Variants in SERBP1 observed in about 807,000 individuals in gnomAD.
SERBP1 encodes the protein SERPINE1 mRNA-binding protein 1.
SERBP1 carries 6 observed loss-of-function variants against 50.2 expected under a neutral mutation model. That is an observed-to-expected ratio of 0.12 (90% CI 0.07 to 0.24). The LOEUF (loss-of-function observed/expected upper bound fraction) is 0.24. Among genes scored for constraint, SERBP1 ranks in the 10% least tolerant of loss-of-function variants. The pLI, the probability that SERBP1 is intolerant of heterozygous loss-of-function variation, is 1.00. For missense variants in SERBP1, 346 were observed against 524.9 expected (o/e 0.66, Z 3.33); for synonymous variants, 168 against 182.8 (o/e 0.92, Z 0.65).
chr1:67,424,308 T>C, intron 4 of SERBP1, 31 bp from the exon 5 acceptor site: 1 of 1,607,710 alleles, frequency 6.2e-7, no homozygotes, highest in Non-Finnish European at 8.5e-7. Flanking sequence ...TTTCTGAATG[T>C]ATTTGGGGGA....
intron 1 of SERBP1, 37 bp from the exon 2 acceptor site, chr1:67,426,322 T>C (rs761980489): frequency 4.6e-6 from 7 of 1,538,028 alleles, no homozygotes; most frequent in Non-Finnish European, 6.1e-6. Flanking sequence ...GCAAATTATT[T>C]TTGCAATCCA....
chr1:67,417,218 T>C (rs1486779246), intron 6 of SERBP1: 1 of 152,140 alleles, frequency 6.6e-6, no homozygotes, highest in Non-Finnish European at 1.5e-5. Context: ...GAGGGAGTGC[T>C]CACTTTGGCA....
intron 5 of SERBP1, 139 bp downstream of exon 5, chr1:67,424,061 G>A: frequency 1.3e-6 from 1 of 770,132 alleles, no homozygotes; most frequent in Non-Finnish European, 2.0e-6. Context: ...TACTCTTTGA[G>A]GGATGAGGGT....
intron 6 of SERBP1, among the ~76,000 whole-genome samples, chr1:67,419,175 AAT>A (rs1667125955): frequency 6.6e-6 from 1 of 152,236 alleles, no homozygotes; most frequent in Non-Finnish European, 1.5e-5. Context: ...TCCTATCCAA[AAT>A]AAAGACCTTT....
chr1:67,423,449 A>C (rs1667268918), intron 5 of SERBP1, among the ~76,000 whole-genome samples: 1 of 151,936 alleles, frequency 6.6e-6, no homozygotes, highest in Non-Finnish European at 1.5e-5. Flanking sequence ...TCTACTAAAA[A>C]TACAAAAATT....
intron 1 of SERBP1, chr1:67,429,671 A>C: frequency 3.6e-5 from 9 of 247,584 alleles, no homozygotes; most frequent in East Asian, 9.3e-5. Context: ...CCGCCAAGGA[A>C]TCCGGCGGGA....
intron 7 of SERBP1, 108 bp downstream of exon 7, chr1:67,415,058 C>G (rs1666957533): frequency 8.0e-7 from 1 of 1,243,914 alleles, no homozygotes; most frequent in African/African-American, 1.5e-5. Context: ...CTTAAAGACA[C>G]TGCTACTACT....
chr1:67,416,821 T>C (rs546087619), intron 6 of SERBP1, among the ~76,000 whole-genome samples: 1 of 152,206 alleles, frequency 6.6e-6, no homozygotes, highest in Admixed American at 6.5e-5. Flanking sequence ...TAAAAACAAA[T>C]TCACAAAACA....
rs1029725933 is a variant in SERBP1 at position 67,412,225 on chromosome 1, T to C, written c.*982A>G. On this transcript the variant is annotated 3_prime_UTR_variant, in exon 8 of 8. Coordinates refer to ENST00000361219, the MANE Select transcript of SERBP1 (RefSeq NM_001018069.2). ...GCTGATTATGGATGTACCATTTTGA[T>C]TTTGGGACCTTTCACACACAGAAAT... The C allele has an allele frequency of 6.6e-6, 1 of 152,648 alleles. No homozygotes were observed. The highest frequency in any genetic ancestry group is 1.5e-5 in the Non-Finnish European group (1 of 68,038). 9.5% of individuals were successfully genotyped at this position (152,648 alleles called of 1,614,324 possible). A position where few individuals can be genotyped will look rare whatever the true frequency, so the allele number is the denominator to read the frequency against.
At chr1:67,414,583 C>A (rs1157163570) in intron 7 of SERBP1, among the ~76,000 whole-genome samples, 4 of 152,218 alleles carry the variant, frequency 2.6e-5, no homozygotes, top group African/African-American at 9.7e-5. Flanking sequence ...CAAAATATTT[C>A]TCTAAGAACT....
chr1:67,424,771 T>G (rs979954055), intron 4 of SERBP1, 117 bp downstream of exon 4: 2 of 772,306 alleles, frequency 2.6e-6, no homozygotes, highest in South Asian at 1.7e-5. Context: ...TATCTTGTAA[T>G]ATAGTAACTC....
Position 67,408,750 on chromosome 1 carries a change from A to G in SERBP1, c.*4457T>C, listed in dbSNP as rs1203879301. 1.3e-5 allele frequency: 2 copies of G among 152,148 alleles called. No homozygotes were observed. Among genetic ancestry groups the G allele is most frequent in the Non-Finnish European group, 2.9e-5 (2 of 68,036 alleles). The allele number at this position is 152,148 out of a possible 1,614,324, so 9.4% of individuals were successfully genotyped here. On this transcript the variant is annotated 3_prime_UTR_variant, in exon 8 of 8. Coordinates refer to ENST00000361219, the MANE Select transcript of SERBP1 (RefSeq NM_001018069.2). Reference sequence around the variant, plus strand: ...CTAAATGTGAAATACTAATCATGGTATTTTTTAACAGATTATACACCCCTT... The same window carrying G: ...CTAAATGTGAAATACTAATCATGGTGTTTTTTAACAGATTATACACCCCTT...
intron 6 of SERBP1, chr1:67,417,247 GAAC>G (rs1321070107): frequency 6.6e-6 from 1 of 152,026 alleles, no homozygotes; most frequent in East Asian, 1.9e-4. Flanking sequence ...ACTAAAAGTG[GAAC>G]AATACAAAGA....
At chr1:67,417,100 G>A (rs1331868202) in intron 6 of SERBP1, 1 of 152,322 alleles carries the variant, frequency 6.6e-6, no homozygotes, top group Non-Finnish European at 1.5e-5. Context: ...GGCTGAGCTA[G>A]AAGGATCGCT....
rs949293382 is a variant in SERBP1 at position 67,408,178 on chromosome 1, C to T, written c.*5029G>A. 2 of 152,206 alleles carry T rather than the reference C, an allele frequency of 1.3e-5. No individual in the cohort carries two copies. The highest frequency in any genetic ancestry group is 4.8e-5 in the African/African-American group (2 of 41,452). The allele number at this position is 152,206 out of a possible 1,614,324, so 9.4% of individuals were successfully genotyped here. On this transcript the variant is annotated 3_prime_UTR_variant, in exon 8 of 8. Coordinates refer to ENST00000361219, the MANE Select transcript of SERBP1 (RefSeq NM_001018069.2). ...AAGCAACTATTTAAGGATTAAGCCA[C>T]ACAAGGTCAGAGTAATTGAGCACCT...
chr1:67,428,437 T>C (rs1667457553), intron 1 of SERBP1, among the ~76,000 whole-genome samples: 2 of 152,250 alleles, frequency 1.3e-5, no homozygotes, highest in South Asian at 4.1e-4. Context: ...CACATCTACC[T>C]GGTACACATT....
rs553714625 is a variant in SERBP1 at position 67,419,346 on chromosome 1, T to C, written c.951+663A>G. On this transcript the variant is annotated intron_variant, in intron 6 of 7. Coordinates refer to ENST00000361219, the MANE Select transcript of SERBP1 (RefSeq NM_001018069.2). ...CTTTCAGTCAACAGGTTATTAGTAG[T>C]TAAGTTTTGGGAGAGTCAAAGGTTA... 3.3e-5 allele frequency among the ~76,000 whole-genome samples: 5 copies of C among 152,356 alleles called. No homozygotes were observed. In the East Asian group the frequency reaches 9.6e-4, roughly 29 times the overall value.
At position 67,424,941 on chromosome 1, in the gene SERBP1, G is replaced by C. The variant is rs1211691623; in HGVS notation, c.642C>G (p.Asp214Glu). ...TGTGAGATCCGCTACCTCCACGTTT[G>C]TCCTCGTGCTTCAGGCCACTGTAAT... is the stretch of plus-strand genomic sequence containing the variant. ...FSHYSGLKHE[D>E]KRGGSGSHNW... Residue 214 changes from aspartate to glutamate, a missense_variant, in exon 4 of 8, where the codon GAC becomes GAG. Asp to Glu is a conservative substitution (Grantham distance 45). Transcript: ENST00000361219. The C allele has an allele frequency of 6.2e-7, 1 of 1,612,792 alleles. No individual in the cohort carries two copies. The highest frequency in any genetic ancestry group is 8.5e-7 in the Non-Finnish European group (1 of 1,179,910).
At position 67,424,270 on chromosome 1, in the gene SERBP1, C is replaced by A. The variant is rs1667298853; in HGVS notation, c.703G>T (p.Asp235Tyr). ...GTVKDELTDL[D>Y]QSNVTEETPE... ...GTTTCCTCAGTCACATTTGATTGAT[C>A]CAAGTCACTGTAATTATAAGATATT... is the stretch of plus-strand genomic sequence containing the variant. The change falls in exon 5 of 8, where the codon GAT (aspartate) becomes TAT (tyrosine). Residue 235 changes from aspartate to tyrosine, a missense_variant. By Grantham distance (160) the Asp-to-Tyr change is radical. This residue lies in a region of SERBP1 where 257 missense variants were observed against 331.2 expected (regional missense o/e 0.78). Coordinates refer to ENST00000361219, the MANE Select transcript of SERBP1 (RefSeq NM_001018069.2). The A allele has an allele frequency of 6.2e-7, 1 of 1,610,356 alleles. No homozygotes were observed. Among genetic ancestry groups the A allele is most frequent in the Non-Finnish European group, 8.5e-7 (1 of 1,177,784 alleles).
Sources: allele counts gnomAD v4.1 joint callset (sites outside exome capture counted in the v4.1 genomes callset), GRCh38; gene constraint gnomAD v4.1.1; regional missense constraint gnomAD v4.1.1; transcripts MANE v1.5; gene names NCBI Gene and HGNC (gene_info 2026-07-23, HGNC 2026-07-21).